Variants in HELB observed in about 807,000 individuals in gnomAD.
The protein encoded by HELB is DNA helicase B, also known as DNA 5'-3' helicase B.
Under a neutral mutation model 101.7 loss-of-function variants are expected in HELB, and 96 were observed. The ratio of observed to expected loss-of-function variants is 0.94; its 90% CI spans 0.80 to 1.12. The LOEUF (loss-of-function observed/expected upper bound fraction) is 1.12. Ranked by LOEUF, HELB falls within the 50% of genes most tolerant of loss-of-function variation. The probability of loss-of-function intolerance (pLI) is 0.00; values close to 1 mark genes in which losing one functional copy is unlikely to be tolerated. For synonymous variants in HELB, 437 were observed against 459.7 expected, an observed-to-expected ratio of 0.95 and a Z score of 0.63; for missense variants, 1,210 against 1,291.9, an observed-to-expected ratio of 0.94 and a Z score of 0.97.
At chr12:66,302,872 A>G in intron 1 of HELB, 82 bp downstream of exon 1, 1 of 1,239,906 alleles carries the variant, frequency 8.1e-7, no homozygotes, top group South Asian at 1.5e-5. Flanking sequence ...TGAGCAAGGC[A>G]CCCAGTCGTG....
chr12:66,328,016 G>A (rs2053761989), intron 11 of HELB, among the ~76,000 whole-genome samples: 1 of 152,178 alleles, frequency 6.6e-6, no homozygotes, highest in Non-Finnish European at 1.5e-5. Context: ...ACCAAGGGCA[G>A]GGTTCTAAGG....
chr12:66,334,312 A>G (rs138041007), intron 12 of HELB, among the ~76,000 whole-genome samples: 2 of 151,916 alleles, frequency 1.3e-5, no homozygotes, highest in Non-Finnish European at 2.9e-5. Context: ...ATAGTAAAAA[A>G]TTAGCTGAAC....
rs746848860 is a variant in HELB, at chr12:66,331,146, C to T, written c.2671-8C>T. The T allele has an allele frequency of 4.2e-5, 67 of 1,585,990 alleles. No individual in the cohort carries two copies. Among genetic ancestry groups the T allele is most frequent in the Non-Finnish European group, 5.2e-5 (61 of 1,165,770 alleles). ...CATTTAGTCTTCACACCATATTTTT[C>T]CTGCCAGGGGTCCGAGGAGCAAACA... On this transcript the variant is annotated splice_region_variant and splice_polypyrimidine_tract_variant and intron_variant, in intron 11 of 12. Coordinates refer to ENST00000247815, the MANE Select transcript of HELB (RefSeq NM_001370285.1).
At chr12:66,327,279 A>G (rs1379238761) in intron 11 of HELB, among the ~76,000 whole-genome samples, 1 of 151,566 alleles carries the variant, frequency 6.6e-6, no homozygotes, top group African/African-American at 2.4e-5. Context: ...GGTCCTGAAG[A>G]ATTTCTTCCG....
intron 2 of HELB, among the ~76,000 whole-genome samples, chr12:66,306,000 A>G (rs2053470909): frequency 6.6e-6 from 1 of 152,230 alleles, no homozygotes; most frequent in South Asian, 2.1e-4. Context: ...TATGAAGGTT[A>G]CTATGTAAAT....
At position 66,331,136 on chromosome 12, in the gene HELB, C is replaced by A. The variant is rs775391669; in HGVS notation, c.2671-18C>A. On this transcript the variant is annotated intron_variant, in intron 11 of 12. Transcript: ENST00000247815. The stretch of plus-strand genomic sequence containing the variant: ...TATTTTATAGCATTTAGTCTTCACA[C>A]CATATTTTTCCTGCCAGGGGTCCGA... 3 of 1,581,812 alleles carry A rather than the reference C, an allele frequency of 1.9e-6. No individual in the cohort carries two copies. The highest frequency in any genetic ancestry group is 2.6e-6 in the Non-Finnish European group (3 of 1,163,294).
chr12:66,318,290 T>C (rs1386946155), intron 6 of HELB, among the ~76,000 whole-genome samples: 1 of 152,218 alleles, frequency 6.6e-6, no homozygotes, highest in Non-Finnish European at 1.5e-5. Flanking sequence ...GAAAAAAGGA[T>C]AATACCTTCC....
intron 8 of HELB, 128 bp downstream of exon 8, chr12:66,322,157 G>A: frequency 1.9e-6 from 1 of 539,104 alleles, no homozygotes. Flanking sequence ...TTATTTTGGG[G>A]TATGTCTTTG....
Position 66,306,361 on chromosome 12 carries a change from A to G in HELB, c.624A>G (p.Val208=). The G allele has an allele frequency of 6.3e-7, 1 of 1,592,702 alleles. No homozygotes were observed. Among genetic ancestry groups the G allele is most frequent in the South Asian group, 1.2e-5 (1 of 86,456 alleles). The change falls in exon 3 of 13, where the codon GTA becomes GTG. Residue 208 remains valine, a synonymous_variant. Coordinates refer to ENST00000247815, the MANE Select transcript of HELB (RefSeq NM_001370285.1). The part of the protein sequence containing the change: ...PLENTIPFRN[V]MTALQFPKIM... ...ATCTTGTAGTTCCATTTAGAAATGT[A>G]ATGACAGCTTTGCAGTTTCCGAAGA...
chr12:66,313,073 A>G lies in HELB; in HGVS notation c.1681-913A>G, dbSNP rs1175043737. Among the ~76,000 whole-genome samples the G allele has an allele frequency of 2.6e-5, 4 of 152,310 alleles. No individual in the cohort carries two copies. The East Asian group carries it at 7.7e-4, about 29-fold the overall frequency. On this transcript the variant is annotated intron_variant, in intron 4 of 12. Coordinates refer to ENST00000247815, the MANE Select transcript of HELB (RefSeq NM_001370285.1). ...TGAATATATCAAATAAGAGAAAAGA[A>G]ATGGCTAATTCCGAATGTTGTGAGA...
chr12:66,308,378 A>T (rs7964860), intron 3 of HELB, among the ~76,000 whole-genome samples: 106,055 of 152,000 alleles, frequency 0.7, 37,470 homozygotes, highest in Middle Eastern at 0.83. Flanking sequence ...GTCACTCTTC[A>T]CAGAGAAGAA....
At chr12:66,324,462 C>A in intron 10 of HELB, 3 of 335,702 alleles carry the variant, frequency 8.9e-6, no homozygotes, top group Non-Finnish European at 5.4e-6. Context: ...CTTATATTTT[C>A]TAGAAGATTT....
chr12:66,303,132 G>T (rs1050238843), intron 1 of HELB, among the ~76,000 whole-genome samples: 1 of 130,308 alleles, frequency 7.7e-6, no homozygotes, highest in Non-Finnish European at 1.6e-5. Context: ...TTTAATGGTC[G>T]TCCTTTAATT....
At chr12:66,337,920 A>C (rs1446154779) in intron 12 of HELB, 81 bp from the exon 13 acceptor site, 5 of 789,316 alleles carry the variant, frequency 6.3e-6, no homozygotes, top group Admixed American at 5.0e-5. Flanking sequence ...TCTTTTTCTG[A>C]AGCAGAGGGA....
intron 11 of HELB, among the ~76,000 whole-genome samples, chr12:66,326,549 A>AT (rs1379482588): frequency 1.3e-5 from 2 of 151,660 alleles, no homozygotes; most frequent in African/African-American, 4.8e-5. Context: ...CCCAACCCTC[A>AT]TTTTTATGCA....
At chr12:66,307,106 G>T (rs980132401) in intron 3 of HELB, among the ~76,000 whole-genome samples, 5 of 152,166 alleles carry the variant, frequency 3.3e-5, no homozygotes, top group African/African-American at 1.2e-4. Flanking sequence ...CTTAATCTTG[G>T]TAGTTCTTGC....
At chr12:66,313,397 T>C (rs925564228) in intron 4 of HELB, among the ~76,000 whole-genome samples, 1 of 152,138 alleles carries the variant, frequency 6.6e-6, no homozygotes, top group African/African-American at 2.4e-5. Flanking sequence ...CATAGAAACA[T>C]TTTTGGGATG....
intron 6 of HELB, among the ~76,000 whole-genome samples, chr12:66,316,176 C>T (rs1468695909): frequency 6.6e-6 from 1 of 152,118 alleles, no homozygotes; most frequent in East Asian, 1.9e-4. Context: ...AGCCTAGGAG[C>T]AATAGGCTGT....
chr12:66,314,208 T>C (rs775732460), intron 5 of HELB, 45 bp downstream of exon 5: 6 of 1,556,830 alleles, frequency 3.9e-6, no homozygotes, highest in Middle Eastern at 2.1e-4. Flanking sequence ...TTTCAAAGTA[T>C]TGTGGTTAGT....
Sources: allele counts gnomAD v4.1 joint callset (sites outside exome capture counted in the v4.1 genomes callset), GRCh38; gene constraint gnomAD v4.1.1; transcripts MANE v1.5; gene names NCBI Gene and HGNC (gene_info 2026-07-23, HGNC 2026-07-21).